Variants in XXYLT1 observed in about 807,000 individuals in gnomAD.
XXYLT1 encodes the protein UDP-xylose:alpha-xyloside alpha-1,3-xylosyltransferase.
A neutral mutation model predicts 28.9 loss-of-function variants in XXYLT1; 20 were observed. That is an observed-to-expected ratio of 0.69 (90% confidence interval 0.49 to 1.00). The LOEUF (loss-of-function observed/expected upper bound fraction) is 1.00, where lower values mean the gene tolerates loss of function less well. Among genes scored for constraint, XXYLT1 ranks in the 50% least tolerant of loss-of-function variants. XXYLT1 has a pLI of 0.00. For missense variants in XXYLT1, 542 were observed against 560.1 expected (o/e 0.97, Z 0.33); for synonymous variants, 257 against 253.8 (o/e 1.01, Z -0.12).
chr3:195,258,390 C>T (rs923329778), intron 1 of XXYLT1, among the ~76,000 whole-genome samples: 3 of 152,184 alleles, frequency 2.0e-5, no homozygotes, highest in African/African-American at 7.2e-5. Context: ...TAAACAGTTA[C>T]TGTGTGCAAT....
At chr3:195,267,969 A>T (rs1577213691) in intron 1 of XXYLT1, among the ~76,000 whole-genome samples, 1 of 152,230 alleles carries the variant, frequency 6.6e-6, no homozygotes, top group East Asian at 1.9e-4. Context: ...CACAAACAGA[A>T]AAATTTACAA....
At chr3:195,117,227 G>A (rs150828685) in intron 3 of XXYLT1, among the ~76,000 whole-genome samples, 323 of 151,908 alleles carry the variant, frequency 2.1e-3, no homozygotes, top group African/African-American at 7.5e-3. Flanking sequence ...ATACACACAC[G>A]CGTCCATATG....
At chr3:195,070,508 G>A (rs563727561) in intron 3 of XXYLT1, among the ~76,000 whole-genome samples, 1 of 152,262 alleles carries the variant, frequency 6.6e-6, no homozygotes, top group East Asian at 1.9e-4. Context: ...CACCTAGTAA[G>A]CAGCAGACGC....
chr3:195,212,287 C>G (rs1036689224), intron 2 of XXYLT1, among the ~76,000 whole-genome samples: 3 of 152,184 alleles, frequency 2.0e-5, no homozygotes, highest in Non-Finnish European at 4.4e-5. Context: ...CCGATGGGAT[C>G]GGATCCGACA....
chr3:195,081,233 G>A (rs990788196), intron 3 of XXYLT1, among the ~76,000 whole-genome samples: 6 of 151,244 alleles, frequency 4.0e-5, no homozygotes, highest in African/African-American at 9.8e-5. Flanking sequence ...AAAAAAAAGC[G>A]TTTTTATGAT....
intron 2 of XXYLT1, among the ~76,000 whole-genome samples, chr3:195,221,024 G>A (rs542807436): frequency 3.9e-5 from 6 of 152,292 alleles, no homozygotes; most frequent in East Asian, 3.9e-4. Context: ...AGAATGTGGT[G>A]TGTCACTGAT....
chr3:195,141,578 G>A (rs1719492157), intron 3 of XXYLT1, among the ~76,000 whole-genome samples: 1 of 152,178 alleles, frequency 6.6e-6, no homozygotes, highest in South Asian at 2.1e-4. Context: ...CCTCTCTCAG[G>A]TGGCAAGTTT....
intron 2 of XXYLT1, among the ~76,000 whole-genome samples, chr3:195,158,484 A>G (rs1288665554): frequency 6.6e-6 from 1 of 152,258 alleles, no homozygotes; most frequent in Admixed American, 6.5e-5. Flanking sequence ...GAGTAAACCC[A>G]GAAAGGTCCT....
intron 3 of XXYLT1, among the ~76,000 whole-genome samples, chr3:195,089,242 A>G (rs1161249755): frequency 6.6e-6 from 1 of 152,154 alleles, no homozygotes; most frequent in Non-Finnish European, 1.5e-5. Flanking sequence ...ACCAAAGTTG[A>G]AATGAAGGAA....
rs1233953730 is a variant in XXYLT1, at chr3:195,124,926, G to A, written c.785+31523C>T. 3.9e-5 allele frequency among the ~76,000 whole-genome samples: 6 copies of A among 152,144 alleles called. No individual in the cohort carries two copies. Among genetic ancestry groups the A allele is most frequent in the Non-Finnish European group, 5.9e-5 (4 of 68,034 alleles). On this transcript the variant is annotated intron_variant, in intron 3 of 3. Coordinates refer to ENST00000310380, the MANE Select transcript of XXYLT1 (RefSeq NM_152531.5). The surrounding 1 kb of genome is among the most constrained non-coding windows in gnomAD (Gnocchi z 4.1). ...GGCTGCGGGTGCACAAGGCTGTCCC[G>A]GGTTATTTGAAGGACAGAGGGAAAA... is the stretch of plus-strand genomic sequence containing the variant.
chr3:195,234,748 T>C (rs1441136907), intron 1 of XXYLT1, among the ~76,000 whole-genome samples: 1 of 152,198 alleles, frequency 6.6e-6, no homozygotes. Flanking sequence ...TGGAGCTCTA[T>C]TTTATGTCAT....
At chr3:195,225,856 T>C (rs1286237799) in intron 2 of XXYLT1, among the ~76,000 whole-genome samples, 2 of 152,208 alleles carry the variant, frequency 1.3e-5, no homozygotes, top group East Asian at 3.9e-4. Flanking sequence ...TCCTTGGCAC[T>C]TCTCCTTGGT....
intron 1 of XXYLT1, among the ~76,000 whole-genome samples, chr3:195,230,615 A>G (rs1399990620): frequency 6.6e-6 from 1 of 152,150 alleles, no homozygotes. Flanking sequence ...CAGTTTTCCC[A>G]GCTTCATTTA....
At chr3:195,219,076 AAC>A (rs2108791724) in intron 2 of XXYLT1, among the ~76,000 whole-genome samples, 1 of 152,114 alleles carries the variant, frequency 6.6e-6, no homozygotes, top group Non-Finnish European at 1.5e-5. Flanking sequence ...CAAAAAACCA[AAC>A]ACAGCATATT....
At chr3:195,149,335 C>A (rs549772015) in intron 3 of XXYLT1, among the ~76,000 whole-genome samples, 1 of 152,048 alleles carries the variant, frequency 6.6e-6, no homozygotes, top group African/African-American at 2.4e-5. Context: ...TGTTTTCATC[C>A]GATGGGGGGG....
intron 3 of XXYLT1, among the ~76,000 whole-genome samples, chr3:195,099,831 A>AAAAAC (rs1716675200): frequency 1.0e-4 from 1 of 9,692 alleles, no homozygotes; most frequent in Non-Finnish European, 2.6e-4. Flanking sequence ...ACTCTGTCTC[A>AAAAAC]AAAAAAAAAA....
rs1229352668 is a variant in XXYLT1, at chr3:195,240,266, A to C, written c.505-13410T>G. Among the ~76,000 whole-genome samples the C allele has an allele frequency of 6.6e-6, 1 of 152,206 alleles. No homozygotes were observed. The highest frequency in any genetic ancestry group is 1.5e-5 in the Non-Finnish European group (1 of 68,030). ...TGCCTCATATTCTACCATGCACAGC[A>C]AACTCAACACTTGTGATGCAGGGAG... On this transcript the variant is annotated intron_variant, in intron 1 of 3. Coordinates refer to ENST00000310380, the MANE Select transcript of XXYLT1 (RefSeq NM_152531.5). This position sits in a 1 kb window ranked among gnomAD's most constrained non-coding sequence, Gnocchi z 4.7.
intron 2 of XXYLT1, among the ~76,000 whole-genome samples, chr3:195,204,997 T>C (rs72499624): frequency 0.033 from 5,013 of 152,058 alleles, 149 homozygotes; most frequent in East Asian, 0.1. Context: ...AAAATAGAGG[T>C]GGAGGGAGAG....
At chr3:195,138,163 C>A (rs1719294770) in intron 3 of XXYLT1, among the ~76,000 whole-genome samples, 2 of 152,250 alleles carry the variant, frequency 1.3e-5, no homozygotes, top group African/African-American at 2.4e-5. Context: ...AGCAAGTTAT[C>A]TTCCCAGGAA....
Sources: allele counts gnomAD v4.1 joint callset (sites outside exome capture counted in the v4.1 genomes callset), GRCh38; gene constraint gnomAD v4.1.1; non-coding constraint Gnocchi (gnomAD v3.1); transcripts MANE v1.5; gene names NCBI Gene and HGNC (gene_info 2026-07-23, HGNC 2026-07-21).